Variants in NOL4L observed in about 807,000 individuals in gnomAD.
The protein encoded by NOL4L is nucleolar protein 4-like.
Under a neutral mutation model 64.5 loss-of-function variants are expected in NOL4L, and 7 were observed. The ratio of observed to expected loss-of-function variants is 0.11; its 90% CI spans 0.06 to 0.20. The LOEUF is 0.20. NOL4L is among the 10% of genes least tolerant of loss of function. The probability of loss-of-function intolerance (pLI) is 1.00; values close to 1 mark genes in which losing one functional copy is unlikely to be tolerated. For missense variants in NOL4L, 680 were observed against 967.1 expected (o/e 0.70, Z 3.94); for synonymous variants, 413 against 401.0 (o/e 1.03, Z -0.36).
chr20:32,536,128 TGCACAAACAGCACCC>T, intron 1 of NOL4L: 1 of 985,620 alleles, frequency 1.0e-6, no homozygotes, highest in African/African-American at 1.7e-5. Flanking sequence ...ACCCAAATGA[TGCACAAACAGCACCC>T]GCCCTAGAAG....
At chr20:32,452,715 C>T (rs1418616921) in intron 9 of NOL4L, among the ~76,000 whole-genome samples, 169 bp downstream of exon 9, 1 of 152,142 alleles carries the variant, frequency 6.6e-6, no homozygotes, top group East Asian at 1.9e-4. Flanking sequence ...GCTCTGAGAA[C>T]AACACACCTG....
intron 1 of NOL4L, among the ~76,000 whole-genome samples, chr20:32,532,874 C>T (rs536671925): frequency 1.3e-5 from 2 of 152,208 alleles, no homozygotes; most frequent in Non-Finnish European, 2.9e-5. Flanking sequence ...CCTCTGGGGC[C>T]TTCCTGCATG....
Position 32,453,115 on chromosome 20 carries a change from C to G in NOL4L, c.1498-109G>C. 1 of 1,498,662 alleles carries G rather than the reference C, an allele frequency of 6.7e-7. No homozygotes were observed. The highest frequency in any genetic ancestry group is 1.8e-5 in the Admixed American group (1 of 54,980). The allele number at this position is 1,498,662 out of a possible 1,614,324, so 92.8% of individuals were successfully genotyped here. ...GCACAGGGTGGGGTTTGGGCTCCAG[C>G]GCCTCAGTCTATGGAGCTGTGTGAT... On this transcript the variant is annotated intron_variant, in intron 8 of 10. Coordinates refer to ENST00000621426, the MANE Select transcript of NOL4L (RefSeq NM_001256798.2). This position sits in a 1 kb window ranked among gnomAD's most constrained non-coding sequence, Gnocchi z 5.6.
chr20:32,583,568 C>G (rs1429967341), intron 1 of NOL4L, among the ~76,000 whole-genome samples: 2 of 148,122 alleles, frequency 1.4e-5, no homozygotes, highest in East Asian at 4.1e-4. Context: ...GCGGCCCGAC[C>G]GGGCCGGGGG....
intron 5 of NOL4L, 80 bp from the exon 6 acceptor site, chr20:32,456,475 G>T: frequency 7.5e-7 from 1 of 1,333,570 alleles, no homozygotes; most frequent in Admixed American, 3.5e-5. Context: ...CCCACCCTGT[G>T]TCCTCCTCAT....
At chr20:32,447,929 G>T in intron 10 of NOL4L, 113 bp from the exon 11 acceptor site, 2 of 1,200,230 alleles carry the variant, frequency 1.7e-6, no homozygotes, top group Admixed American at 2.8e-5. Flanking sequence ...TGTGAGTTGG[G>T]CACTGAAGTC....
intron 2 of NOL4L, among the ~76,000 whole-genome samples, chr20:32,524,758 G>A (rs1568686311): frequency 1.3e-5 from 2 of 152,178 alleles, no homozygotes; most frequent in Non-Finnish European, 2.9e-5. Context: ...CTGCAGAGTG[G>A]GGCTGAAGAG....
intron 1 of NOL4L, among the ~76,000 whole-genome samples, chr20:32,568,509 C>T (rs1979571413): frequency 1.3e-5 from 2 of 152,054 alleles, no homozygotes; most frequent in Non-Finnish European, 2.9e-5. Context: ...ACACACTGGA[C>T]CAGACTCACT....
At chr20:32,454,135 G>A (rs1167201000) in intron 6 of NOL4L, 2 of 210,296 alleles carry the variant, frequency 9.5e-6, no homozygotes, top group East Asian at 1.0e-4. Context: ...CCCACCACCC[G>A]CCAGCCTCCT....
At chr20:32,456,670 G>A (rs565296989) in intron 5 of NOL4L, among the ~76,000 whole-genome samples, 2 of 152,320 alleles carry the variant, frequency 1.3e-5, no homozygotes, top group South Asian at 4.1e-4. Context: ...ACTCGCAAGC[G>A]TTATGTCCAG....
At chr20:32,575,151 G>A (rs1185535894) in intron 1 of NOL4L, among the ~76,000 whole-genome samples, 5 of 151,982 alleles carry the variant, frequency 3.3e-5, no homozygotes, top group Admixed American at 2.6e-4. Context: ...CTCCCTCCAC[G>A]TGAGAACCCT....
rs1404702455 is a variant in NOL4L at position 32,506,145 on chromosome 20, A to G, written c.699+5202T>C. 3.3e-5 allele frequency among the ~76,000 whole-genome samples: 5 copies of G among 152,146 alleles called. 1 individual carries two copies. The highest frequency in any genetic ancestry group is 7.3e-5 in the Non-Finnish European group (5 of 68,028). ...CCATTTAGGGGGATGGAAGCCTGAGAAAGTTCCTGCTGGAAATCTGAACCT... is the reference window on the plus strand; with the variant it reads ...CCATTTAGGGGGATGGAAGCCTGAGGAAGTTCCTGCTGGAAATCTGAACCT... On this transcript the variant is annotated intron_variant, in intron 4 of 10. Transcript: ENST00000621426.
At chr20:32,491,385 G>A (rs2016462958) in intron 4 of NOL4L, among the ~76,000 whole-genome samples, 1 of 152,244 alleles carries the variant, frequency 6.6e-6, no homozygotes, top group Admixed American at 6.5e-5. Flanking sequence ...TGTCAACAAA[G>A]ACACCTTCCA....
At chr20:32,459,887 C>G (rs2013890430) in intron 5 of NOL4L, among the ~76,000 whole-genome samples, 1 of 152,166 alleles carries the variant, frequency 6.6e-6, no homozygotes, top group African/African-American at 2.4e-5. Context: ...CAAATGTGGT[C>G]TATTCATACG....
At chr20:32,481,679 A>C (rs999562823) in intron 4 of NOL4L, among the ~76,000 whole-genome samples, 1 of 152,224 alleles carries the variant, frequency 6.6e-6, no homozygotes, top group African/African-American at 2.4e-5. Flanking sequence ...GCCCAGCCTG[A>C]GCCTGGATTA....
chr20:32,461,272 G>A (rs2014020556), intron 5 of NOL4L, among the ~76,000 whole-genome samples: 1 of 152,116 alleles, frequency 6.6e-6, no homozygotes, highest in African/African-American at 2.4e-5. Context: ...CCCAGCCTTG[G>A]TACTTGCTGT....
intron 5 of NOL4L, among the ~76,000 whole-genome samples, chr20:32,462,630 G>A (rs1323907783): frequency 6.6e-6 from 1 of 152,162 alleles, no homozygotes; most frequent in Non-Finnish European, 1.5e-5. Context: ...ATTTAGGCCA[G>A]GCGCAGTGGC....
chr20:32,452,777 C>T, intron 9 of NOL4L, 107 bp downstream of exon 9: 1 of 1,523,930 alleles, frequency 6.6e-7, no homozygotes. Context: ...CCCCTCTGCC[C>T]TTCTCCCGAC....
intron 3 of NOL4L, among the ~76,000 whole-genome samples, chr20:32,512,981 A>C (rs1173070317): frequency 1.3e-5 from 2 of 152,202 alleles, no homozygotes; most frequent in Non-Finnish European, 2.9e-5. Context: ...ATAACCATTA[A>C]AATCTCTGAC....
Sources: gnomAD v4.1 joint callset for allele counts (sites outside exome capture counted in the v4.1 genomes callset) on GRCh38, gnomAD v4.1.1 for gene constraint, Gnocchi (gnomAD v3.1) non-coding constraint, MANE v1.5 for transcripts, NCBI Gene and HGNC (gene_info 2026-07-23, HGNC 2026-07-21) for gene names.